ZNF385D: variants seen among roughly 807,000 people sequenced by gnomAD.
ZNF385D encodes zinc finger protein 659.
A neutral mutation model predicts 35.8 loss-of-function variants in ZNF385D; 15 were observed. The ratio of observed to expected loss-of-function variants is 0.42; its 90% CI spans 0.28 to 0.64. The LOEUF (loss-of-function observed/expected upper bound fraction) is 0.64. ZNF385D is among the 30% of genes least tolerant of loss of function. The probability of loss-of-function intolerance (pLI) is 0.23; values close to 1 mark genes in which losing one functional copy is unlikely to be tolerated. For missense variants in ZNF385D, 474 were observed against 494.6 expected (o/e 0.96, Z 0.39); for synonymous variants, 212 against 186.8 (o/e 1.13, Z -1.10).
At chr3:21,529,296 T>C (rs1460988019) in intron 3 of ZNF385D, among the ~76,000 whole-genome samples, 2 of 152,114 alleles carry the variant, frequency 1.3e-5, no homozygotes, top group Admixed American at 6.6e-5. Flanking sequence ...CTCTTTGACT[T>C]TGACCGAATA....
intron 3 of ZNF385D, among the ~76,000 whole-genome samples, chr3:22,008,274 G>A (rs565756781): frequency 6.6e-6 from 1 of 152,112 alleles, no homozygotes; most frequent in South Asian, 2.1e-4. Context: ...GCTTTTACTG[G>A]CTAGGGTTTT....
At chr3:22,317,175 G>A (rs991298310) in intron 2 of ZNF385D, among the ~76,000 whole-genome samples, 5 of 150,234 alleles carry the variant, frequency 3.3e-5, no homozygotes, top group African/African-American at 1.2e-4. Flanking sequence ...TACTCAGGAG[G>A]CTGGGGCAGA....
At chr3:22,128,129 T>G (rs939818127) in intron 3 of ZNF385D, among the ~76,000 whole-genome samples, 13 of 152,206 alleles carry the variant, frequency 8.5e-5, no homozygotes, top group African/African-American at 3.1e-4. Context: ...CTCCTTAATC[T>G]TTGAAATATA....
intron 2 of ZNF385D, among the ~76,000 whole-genome samples, chr3:21,660,559 A>C (rs540973711): frequency 1.3e-5 from 2 of 152,300 alleles, no homozygotes; most frequent in Admixed American, 1.3e-4. Context: ...TATTGTCACA[A>C]CTGTGAGTTA....
chr3:21,441,283 A>G (rs1360421860), intron 4 of ZNF385D, among the ~76,000 whole-genome samples: 3 of 152,186 alleles, frequency 2.0e-5, no homozygotes, highest in Admixed American at 6.6e-5. Context: ...AAGCACTTTT[A>G]AAGTATTTAC....
chr3:21,681,812 G>T (rs1295081085), intron 1 of ZNF385D, among the ~76,000 whole-genome samples: 1 of 83,142 alleles, frequency 1.2e-5, no homozygotes, highest in Non-Finnish European at 2.6e-5. Context: ...TTAATGTGAT[G>T]AAATGAGGGA....
At chr3:21,604,889 CTGTT>C (rs760215010) in intron 2 of ZNF385D, among the ~76,000 whole-genome samples, 4 of 152,062 alleles carry the variant, frequency 2.6e-5, no homozygotes, top group East Asian at 1.9e-4. Context: ...ATTTATTTGG[CTGTT>C]TGTTTATGTA....
At chr3:21,466,343 T>G (rs574483131) in intron 4 of ZNF385D, among the ~76,000 whole-genome samples, 1 of 152,330 alleles carries the variant, frequency 6.6e-6, no homozygotes, top group Non-Finnish European at 1.5e-5. Flanking sequence ...ATATTGAAGT[T>G]TATTCTTTTC....
intron 3 of ZNF385D, among the ~76,000 whole-genome samples, chr3:22,095,927 G>A (rs954057462): frequency 6.6e-6 from 1 of 151,590 alleles, no homozygotes; most frequent in Non-Finnish European, 1.5e-5. Flanking sequence ...ATCTACTAAT[G>A]ACACAATGAA....
chr3:21,962,492 A>C (rs9852601), intron 3 of ZNF385D, among the ~76,000 whole-genome samples: 41,376 of 152,086 alleles, frequency 0.27, 5,810 homozygotes, highest in South Asian at 0.35. Flanking sequence ...TAGAAATAGC[A>C]CATTATGTTC....
At chr3:21,768,732 T>C (rs5018367) in intron 3 of ZNF385D, among the ~76,000 whole-genome samples, 86,136 of 151,682 alleles carry the variant, frequency 0.57, 25,155 homozygotes, top group East Asian at 0.78. Flanking sequence ...GGTGGGTAGT[T>C]ACTGCTGTTG....
Position 21,415,716 on chromosome 3 carries a change from T to C in ZNF385D, c.*5498A>G, listed in dbSNP as rs1184547494. 6.6e-6 allele frequency: 1 copy of C among 152,158 alleles called. No homozygotes were observed. The allele number at this position is 152,158 out of a possible 1,614,324, so 9.4% of individuals were successfully genotyped here. A position where few individuals can be genotyped will look rare whatever the true frequency, so the allele number is the denominator to read the frequency against. ...AATCTTTAAAAATTGCCTTTAGAGATGACCTGCCAGTCTGAAAATAACATG... is the reference window on the plus strand; with the variant it reads ...AATCTTTAAAAATTGCCTTTAGAGACGACCTGCCAGTCTGAAAATAACATG... On this transcript the variant is annotated 3_prime_UTR_variant, in exon 8 of 8. Transcript: ENST00000281523.
intron 3 of ZNF385D, among the ~76,000 whole-genome samples, chr3:21,808,383 A>C (rs1005391789): frequency 2.0e-5 from 3 of 152,182 alleles, no homozygotes; most frequent in Admixed American, 6.5e-5. Context: ...ATGACTCCAG[A>C]TTCTTTGCTC....
rs983075407 is a variant in ZNF385D, at chr3:21,418,742, C to T, written c.*2472G>A. On this transcript the variant is annotated 3_prime_UTR_variant, in exon 8 of 8. Coordinates refer to ENST00000281523, the MANE Select transcript of ZNF385D (RefSeq NM_024697.3). ...GCAAAAGCACGTTTTAGTGAGACTG[C>T]TTTAATTAACACTAAGTTATCTAAC... 2.0e-5 allele frequency: 3 copies of T among 152,148 alleles called. No individual in the cohort carries two copies. Among genetic ancestry groups the T allele is most frequent in the Non-Finnish European group, 4.4e-5 (3 of 68,036 alleles). The allele number at this position is 152,148 out of a possible 1,614,324, so 9.4% of individuals were successfully genotyped here.
chr3:22,279,634 A>G lies in ZNF385D; in HGVS notation c.106+92816T>C, dbSNP rs189214330. The stretch of plus-strand genomic sequence containing the variant: ...CATATACATATATGTATATGTGTGT[A>G]TATTTTATATATATATATATGCACA... On this transcript the variant is annotated intron_variant, in intron 2 of 5. Coordinates refer to the ZNF385D transcript ENST00000494108. 4.0e-3 allele frequency among the ~76,000 whole-genome samples: 380 copies of G among 95,408 alleles called. 4 individuals carry two copies. The highest frequency in any genetic ancestry group is 0.031 in the Middle Eastern group (7 of 226). 62.6% of individuals were successfully genotyped at this position (95,408 alleles called of 152,430 possible).
intron 1 of ZNF385D, among the ~76,000 whole-genome samples, chr3:21,733,348 T>A (rs934490784): frequency 2.0e-5 from 3 of 152,174 alleles, no homozygotes; most frequent in Admixed American, 1.3e-4. Flanking sequence ...TCCTTCAATA[T>A]TATGTTGGCT....
At chr3:21,647,357 C>T (rs78625580) in intron 2 of ZNF385D, among the ~76,000 whole-genome samples, 8,113 of 150,628 alleles carry the variant, frequency 0.054, 300 homozygotes, top group Non-Finnish European at 0.082. Context: ...TTCCTCCCTC[C>T]CTCCCCCTCT....
intron 3 of ZNF385D, chr3:22,134,425 C>T (rs1369719008): frequency 6.6e-6 from 1 of 152,062 alleles, no homozygotes; most frequent in Non-Finnish European, 1.5e-5. Context: ...GACTTCCAAA[C>T]CTCTCTCTTA....
intron 3 of ZNF385D, among the ~76,000 whole-genome samples, chr3:21,541,238 T>G (rs1344645805): frequency 6.6e-6 from 1 of 152,144 alleles, no homozygotes; most frequent in Non-Finnish European, 1.5e-5. Flanking sequence ...AAATCACCAC[T>G]CTTAAACCAA....
Sources: gnomAD v4.1 joint callset for allele counts (sites outside exome capture counted in the v4.1 genomes callset) on GRCh38, gnomAD v4.1.1 for gene constraint, MANE v1.5 for transcripts, NCBI Gene and HGNC (gene_info 2026-07-23, HGNC 2026-07-21) for gene names.